Variants in NEBL observed in about 807,000 individuals in gnomAD.
The protein encoded by NEBL is nebulette.
NEBL carries 122 observed loss-of-function variants against 140.2 expected under a neutral mutation model. The observed-to-expected ratio is 0.87, with a 90% confidence interval of 0.75 to 1.01. The LOEUF (loss-of-function observed/expected upper bound fraction) is 1.01, where lower values mean the gene tolerates loss of function less well. Ranked by LOEUF, NEBL falls within the 50% of genes least tolerant of loss-of-function variation. The probability of loss-of-function intolerance (pLI) is 0.00; values close to 1 mark genes in which losing one functional copy is unlikely to be tolerated. For synonymous variants in NEBL, 436 were observed against 398.9 expected, an observed-to-expected ratio of 1.09 and a Z score of -1.11; for missense variants, 1,365 against 1,231.3, an observed-to-expected ratio of 1.11 and a Z score of -1.62.
intron 2 of NEBL, among the ~76,000 whole-genome samples, chr10:21,169,059 AAAAAAAAAAT>A (rs1341167973): frequency 9.1e-5 from 4 of 43,824 alleles, no homozygotes; most frequent in South Asian, 1.1e-3. Context: ...CAAAAAAAAA[AAAAAAAAAAT>A]ATATATATAT....
chr10:20,944,421 A>G (rs1835056751), intron 4 of NEBL, among the ~76,000 whole-genome samples: 1 of 152,068 alleles, frequency 6.6e-6, no homozygotes, highest in Non-Finnish European at 1.5e-5. Context: ...AAAATAAATT[A>G]TATAAATAAA....
At chr10:20,949,259 A>C (rs779029273) in intron 4 of NEBL, among the ~76,000 whole-genome samples, 3 of 152,162 alleles carry the variant, frequency 2.0e-5, no homozygotes, top group African/African-American at 7.2e-5. Flanking sequence ...GAACACACGG[A>C]CACAGGGAGG....
chr10:21,003,991 T>C (rs778511379), intron 3 of NEBL, among the ~76,000 whole-genome samples: 1 of 152,210 alleles, frequency 6.6e-6, no homozygotes, highest in Non-Finnish European at 1.5e-5. Flanking sequence ...CAAATGTGTA[T>C]CACGGCTAAA....
Position 21,041,810 on chromosome 10 carries a change from C to T in NEBL, c.165-21609G>A, listed in dbSNP as rs1018484896. Among the ~76,000 whole-genome samples, 40 of 152,252 alleles carry T rather than the reference C, an allele frequency of 2.6e-4. 1 individual carries two copies. Among genetic ancestry groups the T allele is most frequent in the African/African-American group, 7.2e-4 (30 of 41,544 alleles). On this transcript the variant is annotated intron_variant, in intron 2 of 6. Transcript: ENST00000417816. ...GTATTTATGAGTTTTCCAGGGAAGGCGTGGGCAATTTCCAGAACTGAGGGT... is the reference window on the plus strand; with the variant it reads ...GTATTTATGAGTTTTCCAGGGAAGGTGTGGGCAATTTCCAGAACTGAGGGT...
chr10:21,041,488 G>C (rs1396968023), intron 2 of NEBL, among the ~76,000 whole-genome samples: 2 of 152,126 alleles, frequency 1.3e-5, no homozygotes, highest in Non-Finnish European at 2.9e-5. Flanking sequence ...AGAAAAAGGA[G>C]AGTTTTGACC....
At chr10:21,025,598 C>T (rs761849845) in intron 2 of NEBL, among the ~76,000 whole-genome samples, 1 of 152,140 alleles carries the variant, frequency 6.6e-6, no homozygotes, top group African/African-American at 2.4e-5. Flanking sequence ...ATGGCAACCT[C>T]CATGGAGATG....
intron 2 of NEBL, among the ~76,000 whole-genome samples, chr10:21,094,512 A>G (rs1163767290): frequency 9.1e-6 from 1 of 109,532 alleles, no homozygotes; most frequent in Non-Finnish European, 2.0e-5. Context: ...AAAAAAAAAA[A>G]AAAAAAAAAA....
At chr10:21,024,674 A>G (rs1838950844) in intron 2 of NEBL, among the ~76,000 whole-genome samples, 1 of 152,174 alleles carries the variant, frequency 6.6e-6, no homozygotes, top group Non-Finnish European at 1.5e-5. Context: ...ATTAATTTCA[A>G]ACTCAACACA....
chr10:21,166,922 A>T (rs914415292), intron 2 of NEBL, among the ~76,000 whole-genome samples: 1 of 152,226 alleles, frequency 6.6e-6, no homozygotes, highest in Non-Finnish European at 1.5e-5. Context: ...TAAGGAAAAT[A>T]GATGGTGGGA....
rs1441957958 is a variant in NEBL at position 21,213,308 on chromosome 10, T to C, written n.348+34613A>G. Reference sequence around the variant, plus strand: ...TGACTCCCTTTAAAAAATCAGAATGTAGAGTGTCTGGGTTCCTGTGCCCAG... The same window carrying C: ...TGACTCCCTTTAAAAAATCAGAATGCAGAGTGTCTGGGTTCCTGTGCCCAG... On this transcript the variant is annotated intron_variant and non_coding_transcript_variant, in intron 3 of 8. Transcript: ENST00000675702. Among the ~76,000 whole-genome samples the C allele has an allele frequency of 7.9e-5, 12 of 152,290 alleles. No individual in the cohort carries two copies. In the East Asian group the frequency reaches 2.3e-3, roughly 29 times the overall value.
chr10:21,094,573 C>T (rs1392038268), intron 2 of NEBL, among the ~76,000 whole-genome samples: 1 of 146,780 alleles, frequency 6.8e-6, no homozygotes, highest in Non-Finnish European at 1.5e-5. Flanking sequence ...ATCCCAGCTA[C>T]TCGGAGGCTG....
At chr10:21,154,679 A>G (rs1840271468) in intron 2 of NEBL, among the ~76,000 whole-genome samples, 1 of 152,190 alleles carries the variant, frequency 6.6e-6, no homozygotes, top group Admixed American at 6.5e-5. Context: ...AATTATCAAC[A>G]TTGTAAAATA....
chr10:20,793,421 A>G (rs949193391), intron 26 of NEBL: 2 of 884,456 alleles, frequency 2.3e-6, no homozygotes, highest in Non-Finnish European at 2.7e-6. Context: ...ACAGAGGAAG[A>G]ATCAGTTACT....
intron 2 of NEBL, among the ~76,000 whole-genome samples, chr10:21,111,984 A>C (rs1394208787): frequency 6.6e-6 from 1 of 152,250 alleles, no homozygotes; most frequent in East Asian, 1.9e-4. Context: ...CAGACACATG[A>C]AAAAATGCTC....
chr10:21,061,148 T>C (rs1472586327), intron 2 of NEBL, among the ~76,000 whole-genome samples: 1 of 151,652 alleles, frequency 6.6e-6, no homozygotes, highest in East Asian at 1.9e-4. Context: ...CTTTTTTATA[T>C]ATGATACATG....
chr10:21,221,161 A>G (rs566090164), intron 3 of NEBL, among the ~76,000 whole-genome samples: 3 of 152,308 alleles, frequency 2.0e-5, no homozygotes, highest in Admixed American at 2.0e-4. Flanking sequence ...CTCAAAAAAC[A>G]TATTTAAAAA....
chr10:21,043,452 C>A (rs538233450), intron 2 of NEBL, among the ~76,000 whole-genome samples: 1 of 152,298 alleles, frequency 6.6e-6, no homozygotes, highest in East Asian at 1.9e-4. Flanking sequence ...GCTAAACTTT[C>A]TCATTTAAAA....
chr10:20,975,087 G>T (rs777536065), intron 3 of NEBL, among the ~76,000 whole-genome samples: 1 of 152,120 alleles, frequency 6.6e-6, no homozygotes, highest in African/African-American at 2.4e-5. Context: ...CGGGCTCCAA[G>T]CAAGTCCAGT....
intron 2 of NEBL, among the ~76,000 whole-genome samples, chr10:21,128,882 C>T (rs1838966103): frequency 6.6e-6 from 1 of 152,216 alleles, no homozygotes; most frequent in Non-Finnish European, 1.5e-5. Context: ...GAAGGACATA[C>T]AGGGTTTAAG....
Sources: gnomAD v4.1 joint callset for allele counts (sites outside exome capture counted in the v4.1 genomes callset) on GRCh38, gnomAD v4.1.1 for gene constraint, MANE v1.5 for transcripts, NCBI Gene and HGNC (gene_info 2026-07-23, HGNC 2026-07-21) for gene names.